MTA3: variants seen among roughly 807,000 people sequenced by gnomAD.
The protein encoded by MTA3 is metastasis-associated protein MTA3.
In MTA3, 34 loss-of-function variants were observed where a neutral mutation model predicts 83.5. The ratio of observed to expected loss-of-function variants is 0.41; its 90% CI spans 0.31 to 0.54. The LOEUF is 0.54. Among genes scored for constraint, MTA3 ranks in the 20% least tolerant of loss-of-function variants. The probability of loss-of-function intolerance (pLI) is 0.33; values close to 1 mark genes in which losing one functional copy is unlikely to be tolerated. For synonymous variants in MTA3, 303 were observed against 252.7 expected (o/e 1.20, Z -1.89); for missense variants, 761 against 726.4 (o/e 1.05, Z -0.55).
At chr2:42,534,050 A>G (rs1387628869) in intron 2 of MTA3, among the ~76,000 whole-genome samples, 1 of 152,058 alleles carries the variant, frequency 6.6e-6, no homozygotes, top group Non-Finnish European at 1.5e-5. Flanking sequence ...TTTTTCTTAG[A>G]AAACCTGAAA....
At chr2:42,670,708 T>G (rs527338552) in intron 8 of MTA3, among the ~76,000 whole-genome samples, 1 of 151,158 alleles carries the variant, frequency 6.6e-6, no homozygotes. Flanking sequence ...GTGCGAGAGC[T>G]CAGTCCAAAA....
intron 2 of MTA3, among the ~76,000 whole-genome samples, chr2:42,551,852 G>C (rs1260911933): frequency 6.6e-6 from 1 of 151,900 alleles, no homozygotes; most frequent in Non-Finnish European, 1.5e-5. Context: ...TCAGTCTCCA[G>C]AGTAGCTGGG....
At chr2:42,655,607 C>T (rs1689095335) in intron 6 of MTA3, among the ~76,000 whole-genome samples, 1 of 152,010 alleles carries the variant, frequency 6.6e-6, no homozygotes. Flanking sequence ...GTGATGCTTT[C>T]TTTCTTTTTT....
At chr2:42,582,119 G>A (rs1239966886) in intron 3 of MTA3, among the ~76,000 whole-genome samples, 6 of 151,180 alleles carry the variant, frequency 4.0e-5, no homozygotes, top group East Asian at 2.0e-4. Flanking sequence ...GTGTAGTGGC[G>A]CGATCTTGGC....
At chr2:42,609,888 C>T (rs1276251397) in intron 4 of MTA3, among the ~76,000 whole-genome samples, 1 of 152,094 alleles carries the variant, frequency 6.6e-6, no homozygotes, top group Non-Finnish European at 1.5e-5. Context: ...CATTTGAGGT[C>T]AGGAATTCGA....
At chr2:42,550,477 A>G (rs1677059976) in intron 2 of MTA3, among the ~76,000 whole-genome samples, 2 of 152,170 alleles carry the variant, frequency 1.3e-5, no homozygotes, top group Admixed American at 1.3e-4. Context: ...GGTTTTGTAT[A>G]TGCTGAGGGG....
intron 2 of MTA3, among the ~76,000 whole-genome samples, chr2:42,550,624 C>T (rs907921716): frequency 2.0e-5 from 3 of 152,012 alleles, no homozygotes; most frequent in Non-Finnish European, 2.9e-5. Context: ...GGGAGAAAGG[C>T]GCTGGGACAA....
chr2:42,672,846 C>CT (rs70963344), intron 8 of MTA3, among the ~76,000 whole-genome samples: 222 of 114,326 alleles, frequency 1.9e-3, no homozygotes, highest in Non-Finnish European at 3.0e-3. Flanking sequence ...GTATAAAAAG[C>CT]TTTTTTTTTT....
At chr2:42,626,601 G>T (rs1432431470) in intron 4 of MTA3, among the ~76,000 whole-genome samples, 2 of 151,744 alleles carry the variant, frequency 1.3e-5, no homozygotes, top group African/African-American at 2.4e-5. Context: ...TGGCCTAGGA[G>T]CTTCAGTTTT....
At chr2:42,544,682 C>T (rs1676679067) in intron 2 of MTA3, among the ~76,000 whole-genome samples, 1 of 151,656 alleles carries the variant, frequency 6.6e-6, no homozygotes, top group South Asian at 2.1e-4. Context: ...CCACTTTGCC[C>T]AGCATTTTTT....
intron 3 of MTA3, among the ~76,000 whole-genome samples, chr2:42,581,452 C>T (rs913635478): frequency 6.7e-6 from 1 of 149,468 alleles, no homozygotes; most frequent in Admixed American, 6.7e-5. Context: ...TCACTGCAGC[C>T]TTGAATCAAG....
intron 12 of MTA3, among the ~76,000 whole-genome samples, chr2:42,707,134 G>A (rs1218861747): frequency 6.6e-6 from 1 of 152,074 alleles, no homozygotes; most frequent in Non-Finnish European, 1.5e-5. Flanking sequence ...CTGGCTGACA[G>A]ATACCTGTTT....
chr2:42,602,784 C>A (rs1573189122), intron 3 of MTA3, among the ~76,000 whole-genome samples: 1 of 152,072 alleles, frequency 6.6e-6, no homozygotes, highest in African/African-American at 2.4e-5. Flanking sequence ...TCAGACCAAG[C>A]CCAAGTACAG....
chr2:42,638,078 C>T lies in MTA3; in HGVS notation c.318-2095C>T, dbSNP rs373313084. On this transcript the variant is annotated intron_variant, in intron 4 of 16. Transcript: ENST00000405094. ...AAGTACCTATTAAAATAAAATTTAG[C>T]AGGTTTTACTCCTCCCCATTAAAAC... Among the ~76,000 whole-genome samples, 15 of 152,138 alleles carry T rather than the reference C, an allele frequency of 9.9e-5. No homozygotes were observed. In the East Asian group the frequency reaches 2.3e-3, roughly 24 times the overall value.
At chr2:42,596,859 G>C (rs1681846402) in intron 3 of MTA3, among the ~76,000 whole-genome samples, 2 of 151,966 alleles carry the variant, frequency 1.3e-5, no homozygotes, top group Admixed American at 1.3e-4. Flanking sequence ...CTTACAGAAT[G>C]AAAATCATTT....
chr2:42,652,304 T>C (rs915278827), intron 6 of MTA3, among the ~76,000 whole-genome samples: 1 of 152,172 alleles, frequency 6.6e-6, no homozygotes, highest in African/African-American at 2.4e-5. Context: ...TAAAGGGGCC[T>C]CAGAGAAATC....
chr2:42,552,915 C>T (rs1158715638), intron 2 of MTA3, among the ~76,000 whole-genome samples: 1 of 150,758 alleles, frequency 6.6e-6, no homozygotes, highest in Non-Finnish European at 1.5e-5. Flanking sequence ...GCGCCACTCC[C>T]CTCCAGCCTG....
intron 6 of MTA3, among the ~76,000 whole-genome samples, chr2:42,654,031 G>A (rs1688942478): frequency 6.6e-6 from 1 of 152,224 alleles, no homozygotes; most frequent in Admixed American, 6.5e-5. Flanking sequence ...TGAACCTAAT[G>A]TTGAGTGTCT....
intron 2 of MTA3, among the ~76,000 whole-genome samples, chr2:42,546,990 A>G (rs1232373380): frequency 2.0e-5 from 3 of 152,186 alleles, no homozygotes; most frequent in African/African-American, 7.2e-5. Context: ...AGCAGGGGCT[A>G]ATCTGCCAGG....
Sources: gnomAD v4.1 joint callset for allele counts (sites outside exome capture counted in the v4.1 genomes callset) on GRCh38, gnomAD v4.1.1 for gene constraint, MANE v1.5 for transcripts, NCBI Gene and HGNC (gene_info 2026-07-23, HGNC 2026-07-21) for gene names.